Variants in DDR1 observed in about 807,000 individuals in gnomAD.
The protein encoded by DDR1 is epithelial discoidin domain-containing receptor 1.
In DDR1, 64 loss-of-function variants were observed where a neutral mutation model predicts 97.4. That is an observed-to-expected ratio of 0.66 (90% CI 0.54 to 0.81). The LOEUF is 0.81. Ranked by LOEUF, DDR1 falls within the 30% of genes least tolerant of loss-of-function variation. DDR1 has a pLI of 0.00. For synonymous variants in DDR1, 458 were observed against 503.7 expected (o/e 0.91, Z 1.21); for missense variants, 990 against 1,259.6 (o/e 0.79, Z 3.24).
chr6:30,894,668 T>C lies in DDR1; in HGVS notation c.1510T>C (p.Ser504Pro). The C allele has an allele frequency of 6.2e-7, 1 of 1,602,324 alleles. No individual in the cohort carries two copies. Among genetic ancestry groups the C allele is most frequent in the Non-Finnish European group, 8.5e-7 (1 of 1,173,612 alleles). ...PHSAPCVPNG[S>P]ALLLSNPAYR... ...CTCCGCTCCCTGTGTCCCCAATGGC[T>C]CTGGTAAGACCTGCCTTGTTCCAGT... The change falls in exon 11 of 18, where the codon TCT (serine) becomes CCT (proline). Residue 504 changes from serine (S) to proline (P), a missense_variant. By Grantham distance (74) the Ser-to-Pro change is moderately conservative. Transcript: ENST00000376568. The surrounding 1 kb of genome is among the most constrained non-coding windows in gnomAD (Gnocchi z 5.7).
At position 30,889,208 on chromosome 6, in the gene DDR1, G is replaced by A. The variant is rs1408163113; in HGVS notation, c.195G>A (p.Glu65=). ...DSTAARHSRL[E]SSDGDGAWCP... ...TGCCCCTCTTCACCCTCAGGTTGGA[G>A]AGCAGTGACGGGGATGGGGCCTGGT... is the stretch of plus-strand genomic sequence containing the variant. The change falls in exon 4 of 18, where the codon GAG becomes GAA. Residue 65 remains glutamate, a synonymous_variant. Coordinates refer to ENST00000376568, the MANE Select transcript of DDR1 (RefSeq NM_001297654.2). The surrounding 1 kb of genome is among the most constrained non-coding windows in gnomAD (Gnocchi z 4.9). 2 of 1,613,072 alleles carry A rather than the reference G, an allele frequency of 1.2e-6. No individual in the cohort carries two copies. Among genetic ancestry groups the A allele is most frequent in the Non-Finnish European group, 1.7e-6 (2 of 1,180,030 alleles).
Position 30,897,450 on chromosome 6 carries a change from T to C in DDR1, c.2069T>C (p.Val690Ala), listed in dbSNP as rs1791334563. The change falls in exon 15 of 18, where the codon GTG becomes GCG. Residue 690 changes from valine to alanine, a missense_variant. Coordinates refer to ENST00000376568, the MANE Select transcript of DDR1 (RefSeq NM_001297654.2). The surrounding 1 kb of genome is among the most constrained non-coding windows in gnomAD (Gnocchi z 5.2). Reference sequence around the variant, plus strand: ...CCAAACATCATTCGGCTGCTGGGCGTGTGTGTGCAGGACGACCCCCTCTGC... The same window carrying C: ...CCAAACATCATTCGGCTGCTGGGCGCGTGTGTGCAGGACGACCCCCTCTGC... ...KDPNIIRLLG[V>A]CVQDDPLCMI... The C allele has an allele frequency of 1.2e-6, 2 of 1,613,696 alleles. No homozygotes were observed. Among genetic ancestry groups the C allele is most frequent in the Non-Finnish European group, 1.7e-6 (2 of 1,179,844 alleles).
chr6:30,885,944 G>T, intron 1 of DDR1: 1 of 617,072 alleles, frequency 1.6e-6, no homozygotes. Context: ...GTCTTTGGTT[G>T]TAATGGAGTG....
rs1429105097 is a variant in DDR1 at position 30,891,169 on chromosome 6, A to C, written c.565+49A>C. On this transcript the variant is annotated intron_variant, in intron 5 of 17. Coordinates refer to ENST00000376568, the MANE Select transcript of DDR1 (RefSeq NM_001297654.2). The surrounding 1 kb of genome is among the most constrained non-coding windows in gnomAD (Gnocchi z 5.3). ...ATCTGTTTCCTGAGCAGGGGACTGG[A>C]GGGTGGGGAGTGTGGAGAATGGGCA... 5 of 1,607,350 alleles carry C rather than the reference A, an allele frequency of 3.1e-6. No homozygotes were observed. The African/African-American group carries it at 6.7e-5, about 21-fold the overall frequency.
rs758105369 is a variant in DDR1 at position 30,889,290 on chromosome 6, C to A, written c.277C>A (p.Arg93=). ...GGAGTACTTGCAGGTGGATCTACAA[C>A]GACTGCACCTGGTGGCTCTGGTGGG... The part of the protein sequence containing the change: ...EEEYLQVDLQ[R]LHLVALVGTQ... Residue 93 remains arginine, a synonymous_variant, in exon 4 of 18, where the codon CGA becomes AGA. Transcript: ENST00000376568. The surrounding 1 kb of genome is among the most constrained non-coding windows in gnomAD (Gnocchi z 4.9). 6 of 1,612,894 alleles carry A rather than the reference C, an allele frequency of 3.7e-6. No homozygotes were observed. The South Asian group carries it at 6.6e-5, about 18-fold the overall frequency.
At chr6:30,885,746 T>C in intron 1 of DDR1, 1 of 1,294,376 alleles carries the variant, frequency 7.7e-7, no homozygotes, top group Non-Finnish European at 1.0e-6. Flanking sequence ...CTGTGAGGGT[T>C]GTCAGGGACA....
rs1247784094 is a variant in DDR1, at chr6:30,891,405, T to G, written c.591T>G (p.Pro197=). The stretch of plus-strand genomic sequence containing the variant: ...ATGGACTCCTGTCTTACACCGCCCC[T>G]GTGGGGCAGACAATGTATTTATCTG... ...WRDGLLSYTA[P]VGQTMYLSEA... The change falls in exon 6 of 18, where the codon CCT becomes CCG. Residue 197 remains proline (P), a synonymous_variant. Transcript: ENST00000376568. This position sits in a 1 kb window ranked among gnomAD's most constrained non-coding sequence, Gnocchi z 5.3. The G allele has an allele frequency of 6.2e-7, 1 of 1,612,686 alleles. No homozygotes were observed. The highest frequency in any genetic ancestry group is 8.5e-7 in the Non-Finnish European group (1 of 1,179,770).
In DDR1 at chr6:30,891,552, T is replaced by A. The variant is rs1788293899; in HGVS notation, c.665+73T>A. On this transcript the variant is annotated intron_variant, in intron 6 of 17. Transcript: ENST00000376568. The surrounding 1 kb of genome is among the most constrained non-coding windows in gnomAD (Gnocchi z 5.3). ...CTGTGTGTGTGTGTGTGTGTGTGTG[T>A]GTGTGAGAGTGTGTGTGTGTAGGGG... 1.1e-6 allele frequency: 1 copy of A among 951,232 alleles called. No homozygotes were observed. Among genetic ancestry groups the A allele is most frequent in the Non-Finnish European group, 1.6e-6 (1 of 619,048 alleles). 58.9% of individuals were successfully genotyped at this position (951,232 alleles called of 1,614,324 possible).
Position 30,884,975 on chromosome 6 carries a change from C to T in DDR1, c.-43+265C>T, listed in dbSNP as rs1057042786. On this transcript the variant is annotated intron_variant, in intron 1 of 17. Coordinates refer to ENST00000376568, the MANE Select transcript of DDR1 (RefSeq NM_001297654.2). The surrounding 1 kb of genome is among the most constrained non-coding windows in gnomAD (Gnocchi z 6.1). Reference sequence around the variant, plus strand: ...TCCAGCCTTGAGGCAAGTCCCCTCTCACTCAGTGCGGAGGAACTGAGCCCC... The same window carrying T: ...TCCAGCCTTGAGGCAAGTCCCCTCTTACTCAGTGCGGAGGAACTGAGCCCC... 8.1e-6 allele frequency: 4 copies of T among 496,476 alleles called. No individual in the cohort carries two copies. The highest frequency in any genetic ancestry group is 1.5e-5 in the Non-Finnish European group (4 of 274,436). The allele number at this position is 496,476 out of a possible 1,614,324, so 30.8% of individuals were successfully genotyped here. A position where few individuals can be genotyped will look rare whatever the true frequency, so the allele number is the denominator to read the frequency against.
rs1791626772 is a variant in DDR1 at position 30,898,133 on chromosome 6, A to G, written c.2277A>G (p.Thr759=). The change falls in exon 16 of 18, where the codon ACA becomes ACG. Residue 759 remains threonine (T), a synonymous_variant. Coordinates refer to ENST00000376568, the MANE Select transcript of DDR1 (RefSeq NM_001297654.2). ...QIASGMRYLA[T]LNFVHRDLAT... is the part of the protein sequence containing the mutation. ...CCTCCGGCATGCGCTATCTGGCCAC[A>G]CTCAACTTTGTACATCGGGACCTGG... The G allele has an allele frequency of 1.2e-6, 2 of 1,614,216 alleles. No individual in the cohort carries two copies. Among genetic ancestry groups the G allele is most frequent in the Non-Finnish European group, 1.7e-6 (2 of 1,180,036 alleles).
rs936321823 is a variant in DDR1 at position 30,899,926 on chromosome 6, G to A, written c.*630G>A. 8 of 531,316 alleles carry A rather than the reference G, an allele frequency of 1.5e-5. No individual in the cohort carries two copies. Among genetic ancestry groups the A allele is most frequent in the Non-Finnish European group, 2.5e-5 (7 of 276,452 alleles). 32.9% of individuals were successfully genotyped at this position (531,316 alleles called of 1,614,324 possible). A position where few individuals can be genotyped will look rare whatever the true frequency, so the allele number is the denominator to read the frequency against. ...AGCTAGAACTTCTCTAAGCCTATAC[G>A]TTTCTGTGGAGTAAATATTGGGATT... On this transcript the variant is annotated 3_prime_UTR_variant, in exon 18 of 18. Transcript: ENST00000376568.
At position 30,897,666 on chromosome 6, in the gene DDR1, C is replaced by T; in HGVS notation, c.2216+69C>T. On this transcript the variant is annotated intron_variant, in intron 15 of 17. Coordinates refer to ENST00000376568, the MANE Select transcript of DDR1 (RefSeq NM_001297654.2). This position sits in a 1 kb window ranked among gnomAD's most constrained non-coding sequence, Gnocchi z 5.2. Reference sequence around the variant, plus strand: ...GGGATCTCCTCCTCTCCCCTCGCTTCAGCCTGGAGGAAAAGAGGGGAGCGT... The same window carrying T: ...GGGATCTCCTCCTCTCCCCTCGCTTTAGCCTGGAGGAAAAGAGGGGAGCGT... 6 of 1,333,768 alleles carry T rather than the reference C, an allele frequency of 4.5e-6. No homozygotes were observed. Among genetic ancestry groups the T allele is most frequent in the Middle Eastern group, 2.5e-4 (1 of 3,930 alleles). The allele number at this position is 1,333,768 out of a possible 1,614,324, so 82.6% of individuals were successfully genotyped here. A position where few individuals can be genotyped will look rare whatever the true frequency, so the allele number is the denominator to read the frequency against.
At chr6:30,885,583 T>A (rs1371081068) in intron 1 of DDR1, 25 of 1,402,162 alleles carry the variant, frequency 1.8e-5, no homozygotes, top group Non-Finnish European at 2.3e-5. Context: ...TGCTGTCTTT[T>A]GGTCACAGGA....
chr6:30,898,830 G>C (rs1011117328), intron 16 of DDR1, 58 bp from the exon 17 acceptor site: 1 of 1,553,138 alleles, frequency 6.4e-7, no homozygotes, highest in African/African-American at 1.4e-5. Flanking sequence ...TAGGAAGGGA[G>C]GAGGGTCTAC....
Position 30,895,486 on chromosome 6 carries a change from C to T in DDR1, c.1596C>T (p.Pro532=), listed in dbSNP as rs1487622177. 9 of 1,603,348 alleles carry T rather than the reference C, an allele frequency of 5.6e-6. No homozygotes were observed. The highest frequency in any genetic ancestry group is 1.1e-5 in the South Asian group (1 of 90,312). Reference sequence around the variant, plus strand: ...CTCGAGGCCCGGGCCCCCCCACACCCGCCTGGGCCAAACCCACCAACACCC... The same window carrying T: ...CTCGAGGCCCGGGCCCCCCCACACCTGCCTGGGCCAAACCCACCAACACCC... ...RPPRGPGPPT[P]AWAKPTNTQA... The change falls in exon 12 of 18, where the codon CCC becomes CCT. Residue 532 remains proline (P), a synonymous_variant. Coordinates refer to ENST00000376568, the MANE Select transcript of DDR1 (RefSeq NM_001297654.2).
At position 30,890,060 on chromosome 6, in the gene DDR1, G is replaced by A. The variant is rs1409110622; in HGVS notation, c.417+630G>A. Among the ~76,000 whole-genome samples, 2 of 152,144 alleles carry A rather than the reference G, an allele frequency of 1.3e-5. No homozygotes were observed. Among genetic ancestry groups the A allele is most frequent in the African/African-American group, 2.4e-5 (1 of 41,414 alleles). On this transcript the variant is annotated intron_variant, in intron 4 of 17. Coordinates refer to ENST00000376568, the MANE Select transcript of DDR1 (RefSeq NM_001297654.2). This position sits in a 1 kb window ranked among gnomAD's most constrained non-coding sequence, Gnocchi z 5.0. ...TAGATGAGTGCAGTAGATGCCAAAC[G>A]CGTCTCCCTGCTTCTGCCCTTTTCT...
rs2150422228 is a variant in DDR1, at chr6:30,896,661, C to T, written c.1665C>T (p.Ala555=). 6.2e-7 allele frequency: 1 copy of T among 1,613,480 alleles called. No individual in the cohort carries two copies. Among genetic ancestry groups the T allele is most frequent in the Non-Finnish European group, 8.5e-7 (1 of 1,179,782 alleles). ...GDYMEPEKPG[A]PLLPPPPQNS... ...ATATGGAGCCTGAGAAGCCAGGCGC[C>T]CCGCTTCTGCCCCCACCTCCCCAGA... Residue 555 remains alanine, a synonymous_variant, in exon 13 of 18, where the codon GCC becomes GCT. Transcript: ENST00000376568.
chr6:30,888,196 T>C lies in DDR1; in HGVS notation c.-42-492T>C, dbSNP rs1476837092. Among the ~76,000 whole-genome samples, 1 of 152,250 alleles carries C rather than the reference T, an allele frequency of 6.6e-6. No homozygotes were observed. ...GCTTTGCTTTTCTGTGAAATGACTA[T>C]TCACATTCTTTGGCTGTTTCTTTAT... On this transcript the variant is annotated intron_variant, in intron 1 of 17. Coordinates refer to ENST00000376568, the MANE Select transcript of DDR1 (RefSeq NM_001297654.2). The surrounding 1 kb of genome is among the most constrained non-coding windows in gnomAD (Gnocchi z 4.2).
rs1224937930 is a variant in DDR1, at chr6:30,896,765, C to T, written c.1769C>T (p.Ala590Val). The change falls in exon 13 of 18, where the codon GCA becomes GTA. Residue 590 changes from alanine (A) to valine (V), a missense_variant. Ala to Val is a moderately conservative substitution (Grantham distance 64). Transcript: ENST00000376568. ...VTGGNTYAVP[A>V]LPPGAVGDGP... ...GGGGGCAACACCTATGCTGTGCCTG[C>T]ACTGCCCCCAGGGGCAGTCGGGGAT... 3.1e-6 allele frequency: 5 copies of T among 1,587,944 alleles called. No homozygotes were observed. In the South Asian group the frequency reaches 4.6e-5, roughly 15 times the overall value.
Sources: allele counts gnomAD v4.1 joint callset (sites outside exome capture counted in the v4.1 genomes callset), GRCh38; gene constraint gnomAD v4.1.1; non-coding constraint Gnocchi (gnomAD v3.1); transcripts MANE v1.5; gene names NCBI Gene and HGNC (gene_info 2026-07-23, HGNC 2026-07-21).